The following ALKAL1 variants were observed in gnomAD, a reference collection of about 807,000 sequenced individuals.
ALKAL1 encodes AUG-beta.
A neutral mutation model predicts 13.5 loss-of-function variants in ALKAL1; 23 were observed. The observed-to-expected ratio is 1.70, with a 90% CI of 1.23 to 2.41. ALKAL1 has a LOEUF of 2.41. Ranked by LOEUF, ALKAL1 falls within the 30% of genes most tolerant of loss-of-function variation. The pLI, the probability that ALKAL1 is intolerant of heterozygous loss-of-function variation, is 0.00. For synonymous variants in ALKAL1, 85 were observed against 77.7 expected (o/e 1.09, Z -0.49); for missense variants, 181 against 178.4 (o/e 1.01, Z -0.08).
intron 1 of ALKAL1, among the ~76,000 whole-genome samples, chr8:52,544,116 G>A (rs1042345513): frequency 2.6e-5 from 4 of 151,930 alleles, no homozygotes; most frequent in African/African-American, 4.8e-5. Flanking sequence ...TGTACAACCC[G>A]GCTTTGCTGG....
At chr8:52,562,266 A>C (rs1194833658) in intron 1 of ALKAL1, among the ~76,000 whole-genome samples, 1 of 152,156 alleles carries the variant, frequency 6.6e-6, no homozygotes, top group Non-Finnish European at 1.5e-5. Context: ...AACTCTCAAG[A>C]GGGTCTGAAC....
At chr8:52,541,549 CT>C (rs1016034226) in intron 2 of ALKAL1, among the ~76,000 whole-genome samples, 4 of 152,130 alleles carry the variant, frequency 2.6e-5, no homozygotes, top group Non-Finnish European at 4.4e-5. Flanking sequence ...AGGTGGATCA[CT>C]TAAGGCCAGG....
chr8:52,538,731 T>TA (rs1847286742), intron 3 of ALKAL1, among the ~76,000 whole-genome samples: 1 of 152,188 alleles, frequency 6.6e-6, no homozygotes, highest in South Asian at 2.1e-4. Context: ...CTCAAAATGT[T>TA]AATTAATTAC....
At chr8:52,541,892 C>A (rs970916345) in intron 2 of ALKAL1, among the ~76,000 whole-genome samples, 26 of 152,038 alleles carry the variant, frequency 1.7e-4, no homozygotes, top group African/African-American at 6.0e-4. Context: ...AGTCTGAATT[C>A]CCTAGCATGC....
intron 1 of ALKAL1, among the ~76,000 whole-genome samples, chr8:52,554,164 C>A (rs1431869557): frequency 1.3e-5 from 2 of 152,110 alleles, no homozygotes; most frequent in Non-Finnish European, 2.9e-5. Context: ...GTGGAGGTTG[C>A]AGTGAACCGA....
intron 1 of ALKAL1, among the ~76,000 whole-genome samples, chr8:52,552,274 A>T (rs139568184): frequency 2.8e-4 from 43 of 152,234 alleles, no homozygotes; most frequent in Non-Finnish European, 2.6e-4. Context: ...CACCGAGGCA[A>T]ATGCCATTTT....
intron 1 of ALKAL1, 83 bp from the exon 2 acceptor site, chr8:52,542,528 T>A: frequency 1.2e-6 from 1 of 832,820 alleles, no homozygotes; most frequent in Non-Finnish European, 1.9e-6. Flanking sequence ...AATTACTTAA[T>A]AAGGCACTAA....
chr8:52,565,002 T>A lies in ALKAL1; in HGVS notation c.190+65A>T, dbSNP rs1335665392. On this transcript the variant is annotated intron_variant, in intron 1 of 4. Coordinates refer to ENST00000358543, the MANE Select transcript of ALKAL1 (RefSeq NM_207413.4). ...TCCCAAAGCGAGTGCCTCGCCCAGC[T>A]CCTAGGGGAATCCACGGAGCCCCAG... 3.9e-6 allele frequency: 5 copies of A among 1,266,736 alleles called. 1 individual carries two copies. The Admixed American group carries it at 1.2e-4, about 31-fold the overall frequency. 78.5% of individuals were successfully genotyped at this position (1,266,736 alleles called of 1,614,324 possible).
chr8:52,555,989 A>C (rs1321270805), intron 1 of ALKAL1, among the ~76,000 whole-genome samples: 2 of 152,160 alleles, frequency 1.3e-5, no homozygotes. Context: ...ATGGTGGTAG[A>C]TCCTGCATGG....
chr8:52,541,494 G>A (rs550685643), intron 2 of ALKAL1, among the ~76,000 whole-genome samples: 8 of 152,242 alleles, frequency 5.3e-5, no homozygotes, highest in Admixed American at 2.0e-4. Context: ...TTGGCCGGGC[G>A]TGGTGGCTCA....
At chr8:52,557,954 G>T (rs1200779524) in intron 1 of ALKAL1, among the ~76,000 whole-genome samples, 1 of 140,402 alleles carries the variant, frequency 7.1e-6, no homozygotes, top group African/African-American at 2.7e-5. Context: ...CAACCAGAGT[G>T]AGACTATGTC....
rs182129725 is a variant in ALKAL1 at position 52,557,579 on chromosome 8, C to T, written c.190+7488G>A. 1.9e-3 allele frequency among the ~76,000 whole-genome samples: 285 copies of T among 152,248 alleles called. 1 individual carries two copies. Among genetic ancestry groups the T allele is most frequent in the East Asian group, 0.014 (71 of 5,194 alleles). ...GTAATAAAGATCAGACTTTTTTTAA[C>T]GGTTGGCTCACATAATTTGCCTTAT... On this transcript the variant is annotated intron_variant, in intron 1 of 4. Coordinates refer to ENST00000358543, the MANE Select transcript of ALKAL1 (RefSeq NM_207413.4).
Position 52,565,158 on chromosome 8 carries a change from C to T in ALKAL1, c.99G>A (p.Arg33=), listed in dbSNP as rs1267260110. Residue 33 remains arginine, a synonymous_variant, in exon 1 of 5, where the codon AGG becomes AGA. Transcript: ENST00000358543. ...GCTCCTTATCCGTGACGCGCGCTCC[C>T]CTGCGCCCCCGGGGCCTCCCGTGGG... ...HGAHGRPRGR[R]GARVTDKEPK... 2 of 1,395,616 alleles carry T rather than the reference C, an allele frequency of 1.4e-6. No homozygotes were observed. The highest frequency in any genetic ancestry group is 1.9e-6 in the Non-Finnish European group (2 of 1,066,098). 86.5% of individuals were successfully genotyped at this position (1,395,616 alleles called of 1,614,324 possible).
chr8:52,544,069 A>T (rs184860516), intron 1 of ALKAL1, among the ~76,000 whole-genome samples: 2 of 152,144 alleles, frequency 1.3e-5, no homozygotes, highest in East Asian at 3.9e-4. Flanking sequence ...CCCCACAATT[A>T]TGGCTTCCTG....
intron 1 of ALKAL1, 70 bp downstream of exon 1, chr8:52,564,997 C>T: frequency 2.4e-6 from 3 of 1,241,084 alleles, no homozygotes; most frequent in Non-Finnish European, 2.1e-6. Flanking sequence ...AGTGCCTCGC[C>T]CAGCTCCTAG....
At chr8:52,534,705 CT>C (rs1449083979) in intron 4 of ALKAL1, 105 bp from the exon 5 acceptor site, 4 of 453,678 alleles carry the variant, frequency 8.8e-6, no homozygotes, top group African/African-American at 2.0e-5. Flanking sequence ...ACTCTGTGGA[CT>C]CCTAATTTAC....
chr8:52,556,837 G>T (rs1204531980), intron 1 of ALKAL1, among the ~76,000 whole-genome samples: 1 of 151,726 alleles, frequency 6.6e-6, no homozygotes, highest in African/African-American at 2.4e-5. Flanking sequence ...TTTTATTTTT[G>T]CTATATCTAT....
chr8:52,541,276 A>G (rs1847309266), intron 2 of ALKAL1, among the ~76,000 whole-genome samples: 1 of 152,058 alleles, frequency 6.6e-6, no homozygotes, highest in African/African-American at 2.4e-5. Context: ...GGAGTTCAAG[A>G]CCAACCTGGG....
chr8:52,553,762 A>G (rs1281947885), intron 1 of ALKAL1, among the ~76,000 whole-genome samples: 9 of 152,236 alleles, frequency 5.9e-5, no homozygotes, highest in Middle Eastern at 3.2e-3. Flanking sequence ...TCTTGTTTTA[A>G]ACCACAGAAC....
Sources: allele counts gnomAD v4.1 joint callset (sites outside exome capture counted in the v4.1 genomes callset), GRCh38; gene constraint gnomAD v4.1.1; transcripts MANE v1.5; gene names NCBI Gene and HGNC (gene_info 2026-07-23, HGNC 2026-07-21).